ADCY9: variants seen among roughly 807,000 people sequenced by gnomAD.
ADCY9 encodes adenylate cyclase type 9.
ADCY9 carries 50 observed loss-of-function variants against 101.5 expected under a neutral mutation model. The observed-to-expected ratio is 0.49, with a 90% confidence interval of 0.39 to 0.62. The LOEUF (loss-of-function observed/expected upper bound fraction) is 0.62. Among genes scored for constraint, ADCY9 ranks in the 20% least tolerant of loss-of-function variants. ADCY9 has a pLI of 0.00. For missense variants in ADCY9, 1,662 were observed against 1,800.4 expected (o/e 0.92, Z 1.39); for synonymous variants, 905 against 769.3 (o/e 1.18, Z -2.92).
At position 3,966,693 on chromosome 16, in the gene ADCY9, C is replaced by A. The variant is rs1167697653; in HGVS notation, c.3144G>T (p.Gln1048His). 6.2e-7 allele frequency: 1 copy of A among 1,614,132 alleles called. No homozygotes were observed. Among genetic ancestry groups the A allele is most frequent in the Admixed American group, 1.7e-5 (1 of 60,018 alleles). ...CGCTGTCATGGTTCTTGGAGTAGGT[C>A]TGGGACACCTTCAGCTGCTCAGCCA... ...YHVAEQLKVS[Q>H]TYSKNHDSGG... Residue 1048 changes from glutamine (Q) to histidine (H), a missense_variant, in exon 11 of 11, where the codon CAG (glutamine) becomes CAT (histidine). By Grantham distance (24) the Gln-to-His change is conservative. Around this residue, in one of 5 missense-constraint regions of ADCY9, gnomAD observed 220 missense variants for 312.9 expected, o/e 0.70. Coordinates refer to ENST00000294016, the MANE Select transcript of ADCY9 (RefSeq NM_001116.4).
chr16:3,987,690 T>C (rs574464620), intron 6 of ADCY9, among the ~76,000 whole-genome samples: 7 of 152,194 alleles, frequency 4.6e-5, no homozygotes, highest in Non-Finnish European at 1.0e-4. Flanking sequence ...CCACGAGGCA[T>C]GAACTGGCTC....
Position 4,114,861 on chromosome 16 carries a change from G to A in ADCY9, c.582C>T (p.Val194=). Residue 194 remains valine, a synonymous_variant, in exon 2 of 11, where the codon GTC becomes GTT. Coordinates refer to ENST00000294016, the MANE Select transcript of ADCY9 (RefSeq NM_001116.4). This position sits in a 1 kb window ranked among gnomAD's most constrained non-coding sequence, Gnocchi z 4.3. ...FALTLAAQFQ[V]LTPVSGRGDS... ...CGCCGCGTCCTGAGACAGGCGTCAA[G>A]ACCTGGAACTGCGCAGCCAGGGTCA... The A allele has an allele frequency of 3.1e-6, 5 of 1,613,704 alleles. No homozygotes were observed. In the South Asian group the frequency reaches 4.4e-5, roughly 14 times the overall value.
At chr16:4,101,780 T>C (rs1457360159) in intron 2 of ADCY9, among the ~76,000 whole-genome samples, 1 of 152,048 alleles carries the variant, frequency 6.6e-6, no homozygotes, top group Non-Finnish European at 1.5e-5. Context: ...CCACGGCCAA[T>C]AGCTGGAGTT....
At chr16:3,968,417 C>T (rs912493783) in intron 10 of ADCY9, among the ~76,000 whole-genome samples, 3 of 152,192 alleles carry the variant, frequency 2.0e-5, no homozygotes, top group African/African-American at 7.2e-5. Flanking sequence ...CAGGTGTGAG[C>T]CACCGCGCCT....
chr16:4,094,591 G>A (rs1303533753), intron 2 of ADCY9, among the ~76,000 whole-genome samples: 1 of 151,648 alleles, frequency 6.6e-6, no homozygotes, highest in Non-Finnish European at 1.5e-5. Flanking sequence ...TGGGACGATC[G>A]CTCGAGGCCC....
At chr16:4,105,210 T>C (rs1316275245) in intron 2 of ADCY9, among the ~76,000 whole-genome samples, 2 of 152,212 alleles carry the variant, frequency 1.3e-5, no homozygotes, top group East Asian at 3.8e-4. Flanking sequence ...GTTACTTACA[T>C]TAACATGCAA....
At position 3,989,137 on chromosome 16, in the gene ADCY9, C is replaced by G. The variant is rs1376045436; in HGVS notation, c.2208-41G>C. 9 of 1,433,954 alleles carry G rather than the reference C, an allele frequency of 6.3e-6. No individual in the cohort carries two copies. The African/African-American group carries it at 9.8e-5, about 16-fold the overall frequency. 88.8% of individuals were successfully genotyped at this position (1,433,954 alleles called of 1,614,324 possible). On this transcript the variant is annotated intron_variant, in intron 5 of 10. Transcript: ENST00000294016. The stretch of plus-strand genomic sequence containing the variant: ...AATGCAGTCGATCAATACCCAGCAC[C>G]ATAACTGTGCCAATGTTTTCAGATC...
chr16:4,031,797 A>G (rs1465782122), intron 2 of ADCY9, among the ~76,000 whole-genome samples: 1 of 151,946 alleles, frequency 6.6e-6, no homozygotes, highest in Non-Finnish European at 1.5e-5. Flanking sequence ...GGATCATCTG[A>G]GCCTGGGAGG....
At chr16:4,045,650 G>A (rs1030184020) in intron 2 of ADCY9, among the ~76,000 whole-genome samples, 4 of 146,248 alleles carry the variant, frequency 2.7e-5, no homozygotes, top group Non-Finnish European at 6.0e-5. Context: ...CCAATTTGCT[G>A]CATCCATCCA....
intron 5 of ADCY9, among the ~76,000 whole-genome samples, chr16:3,956,505 G>GC (rs1185563951): frequency 1.2e-3 from 7 of 5,854 alleles, no homozygotes; most frequent in Non-Finnish European, 3.1e-3. Flanking sequence ...TTTTTTTTTG[G>GC]GGGGGGATGG....
chr16:4,115,608 C>A lies in ADCY9; in HGVS notation c.-44+82G>T. 1 of 811,908 alleles carries A rather than the reference C, an allele frequency of 1.2e-6. No individual in the cohort carries two copies. The highest frequency in any genetic ancestry group is 1.9e-6 in the Non-Finnish European group (1 of 535,704). 50.3% of individuals were successfully genotyped at this position (811,908 alleles called of 1,614,324 possible). On this transcript the variant is annotated intron_variant, in intron 1 of 10. Coordinates refer to ENST00000294016, the MANE Select transcript of ADCY9 (RefSeq NM_001116.4). This position sits in a 1 kb window ranked among gnomAD's most constrained non-coding sequence, Gnocchi z 6.2. Reference sequence around the variant, plus strand: ...GCGACCTGGACAGGCACCATCTGTTCCTGTGGTTCCCGGCTCAGCGGTGCT... The same window carrying A: ...GCGACCTGGACAGGCACCATCTGTTACTGTGGTTCCCGGCTCAGCGGTGCT...
chr16:3,969,598 A>G (rs868695505), intron 10 of ADCY9, among the ~76,000 whole-genome samples: 136 of 67,898 alleles, frequency 2.0e-3, no homozygotes, highest in African/African-American at 4.6e-3. Context: ...ATATATATAT[A>G]TATATATATA....
chr16:3,968,897 G>A (rs899666949), intron 10 of ADCY9, among the ~76,000 whole-genome samples: 1 of 151,736 alleles, frequency 6.6e-6, no homozygotes, highest in South Asian at 2.1e-4. Context: ...CCAGGTTAAA[G>A]TGCAGTGGCG....
At chr16:3,977,015 C>T (rs1390351382) in intron 9 of ADCY9, among the ~76,000 whole-genome samples, 1 of 152,194 alleles carries the variant, frequency 6.6e-6, no homozygotes, top group East Asian at 1.9e-4. Flanking sequence ...TACGTCTTCA[C>T]CTCCTCCTTC....
intron 2 of ADCY9, among the ~76,000 whole-genome samples, chr16:4,060,646 GCAGGAT>G (rs1269073410): frequency 6.6e-6 from 1 of 152,082 alleles, no homozygotes; most frequent in Non-Finnish European, 1.5e-5. Flanking sequence ...AAAAAAATGA[GCAGGAT>G]CATCAGCAGC....
At chr16:4,027,818 G>C (rs1328694733) in intron 2 of ADCY9, among the ~76,000 whole-genome samples, 1 of 151,540 alleles carries the variant, frequency 6.6e-6, no homozygotes, top group Non-Finnish European at 1.5e-5. Context: ...CAGAGGTTGT[G>C]GTGAGCCAAG....
At chr16:4,026,751 AT>A (rs1567443405) in intron 2 of ADCY9, among the ~76,000 whole-genome samples, 1 of 151,942 alleles carries the variant, frequency 6.6e-6, no homozygotes, top group Non-Finnish European at 1.5e-5. Flanking sequence ...CAAAGGGTAC[AT>A]GCTGTGTGGT....
At chr16:3,982,727 G>A (rs2056154393) in intron 7 of ADCY9, 1 of 157,196 alleles carries the variant, frequency 6.4e-6, no homozygotes, top group Admixed American at 6.3e-5. Flanking sequence ...TTTCTTGATG[G>A]TGTTCTTTGT....
chr16:3,959,901 C>CT (rs1175977070), downstream of ADCY9, among the ~76,000 whole-genome samples: 2 of 151,946 alleles, frequency 1.3e-5, no homozygotes, highest in Non-Finnish European at 2.9e-5. Context: ...TGGCGCATGC[C>CT]TGTAATCCCA....
Sources: allele counts gnomAD v4.1 joint callset (sites outside exome capture counted in the v4.1 genomes callset), GRCh38; gene constraint gnomAD v4.1.1; regional missense constraint gnomAD v4.1.1; non-coding constraint Gnocchi (gnomAD v3.1); transcripts MANE v1.5; gene names NCBI Gene and HGNC (gene_info 2026-07-23, HGNC 2026-07-21).